SLCO1C1: variants seen among roughly 807,000 people sequenced by gnomAD.
SLCO1C1 encodes OAT-RP-5.
In SLCO1C1, 70 loss-of-function variants were observed where a neutral mutation model predicts 76.4. The observed-to-expected ratio is 0.92, with a 90% CI of 0.76 to 1.12. SLCO1C1 has a LOEUF of 1.12. Ranked by LOEUF, SLCO1C1 falls within the 50% of genes most tolerant of loss-of-function variation. The probability of loss-of-function intolerance (pLI) is 0.00; values close to 1 mark genes in which losing one functional copy is unlikely to be tolerated. For synonymous variants in SLCO1C1, 306 were observed against 286.1 expected (o/e 1.07, Z -0.70); for missense variants, 912 against 823.8 (o/e 1.11, Z -1.31).
rs1047585336 is a variant in SLCO1C1, at chr12:20,713,236, C to T, written c.529+1726C>T. 5.9e-5 allele frequency among the ~76,000 whole-genome samples: 9 copies of T among 151,772 alleles called. No homozygotes were observed. The East Asian group carries it at 1.2e-3, about 20-fold the overall frequency. ...CTGGGACTACAGGCGCCCGCTACCA[C>T]GCCCGGCTAATTTTTTGTATTTTTA... On this transcript the variant is annotated intron_variant, in intron 5 of 14. Coordinates refer to ENST00000266509, the MANE Select transcript of SLCO1C1 (RefSeq NM_017435.5).
At chr12:20,736,453 G>T (rs183276217) in intron 10 of SLCO1C1, among the ~76,000 whole-genome samples, 1 of 152,124 alleles carries the variant, frequency 6.6e-6, no homozygotes, top group African/African-American at 2.4e-5. Context: ...GTAAGTCATT[G>T]AACTTACTTG....
intron 10 of SLCO1C1, 55 bp from the exon 11 acceptor site, chr12:20,737,052 A>T: frequency 8.0e-6 from 11 of 1,375,986 alleles, no homozygotes; most frequent in Non-Finnish European, 2.8e-6. Flanking sequence ...TTTTGAAAAT[A>T]TTCGGGTGCT....
intron 1 of SLCO1C1, among the ~76,000 whole-genome samples, chr12:20,697,992 T>C (rs1035642175): frequency 7.0e-4 from 107 of 152,220 alleles, no homozygotes; most frequent in Non-Finnish European, 6.5e-4. Flanking sequence ...TATCTTTGTT[T>C]AGGGAATAGT....
chr12:20,734,481 G>C (rs988333029), intron 10 of SLCO1C1, among the ~76,000 whole-genome samples: 1 of 152,194 alleles, frequency 6.6e-6, no homozygotes, highest in Non-Finnish European at 1.5e-5. Context: ...GACAGTTGTA[G>C]AGGACTTTAT....
intron 9 of SLCO1C1, among the ~76,000 whole-genome samples, chr12:20,725,282 ATT>A (rs1947919768): frequency 7.1e-6 from 1 of 141,102 alleles, no homozygotes; most frequent in Non-Finnish European, 1.5e-5. Context: ...TATAATATAT[ATT>A]ATATTATTTA....
rs767446515 is a variant in SLCO1C1 at position 20,733,102 on chromosome 12, A to C, written c.1380A>C (p.Gln460His). 2.5e-6 allele frequency: 4 copies of C among 1,569,772 alleles called. No homozygotes were observed. In the African/African-American group the frequency reaches 4.1e-5, roughly 16 times the overall value. The change falls in exon 10 of 15, where the codon CAA (glutamine) becomes CAC (histidine). Residue 460 changes from glutamine (Q) to histidine (H), a missense_variant and splice_region_variant. By Grantham distance (24) the Gln-to-His change is conservative (BLOSUM62 0). Coordinates refer to ENST00000266509, the MANE Select transcript of SLCO1C1 (RefSeq NM_017435.5). ...SDVAGLTVSY[Q>H]GTKPVSYHER... ...TGGCAGGACTAACTGTCTCCTACCA[A>C]GGGTATGTTCCCTCATTAAATAGTT...
At chr12:20,719,134 C>T (rs1947528421) in intron 7 of SLCO1C1, among the ~76,000 whole-genome samples, 1 of 113,520 alleles carries the variant, frequency 8.8e-6, no homozygotes, top group African/African-American at 4.0e-5. Context: ...TTATTATTAG[C>T]TTACCCATTA....
At chr12:20,710,244 G>C (rs750643820) in intron 4 of SLCO1C1, among the ~76,000 whole-genome samples, 1 of 112,124 alleles carries the variant, frequency 8.9e-6, no homozygotes, top group Non-Finnish European at 1.6e-5. Flanking sequence ...GTCTCGCTCT[G>C]TCGCCCAGGC....
intron 5 of SLCO1C1, 33 bp downstream of exon 5, chr12:20,711,543 C>T (rs1272724762): frequency 1.3e-6 from 2 of 1,599,410 alleles, no homozygotes; most frequent in African/African-American, 2.7e-5. Context: ...ACTAAACAAG[C>T]TTTTAAAAAA....
At chr12:20,731,370 C>T (rs143519363) in intron 9 of SLCO1C1, among the ~76,000 whole-genome samples, 1 of 148,344 alleles carries the variant, frequency 6.7e-6, no homozygotes, top group Admixed American at 6.7e-5. Context: ...TGTTAAGAAA[C>T]TAAATATATA....
chr12:20,721,267 GAAGGA>G (rs1045903101), intron 7 of SLCO1C1, among the ~76,000 whole-genome samples: 6 of 152,154 alleles, frequency 3.9e-5, no homozygotes, highest in African/African-American at 1.4e-4. Flanking sequence ...AAACTTTCAT[GAAGGA>G]AAGAGCTGAT....
chr12:20,721,184 G>C (rs948797161), intron 7 of SLCO1C1, among the ~76,000 whole-genome samples: 1 of 152,136 alleles, frequency 6.6e-6, no homozygotes, highest in South Asian at 2.1e-4. Context: ...GGCTTGAGAA[G>C]ATTGACTCCA....
intron 9 of SLCO1C1, among the ~76,000 whole-genome samples, chr12:20,724,959 GTAA>G (rs1947891922): frequency 7.2e-6 from 1 of 139,250 alleles, no homozygotes; most frequent in Non-Finnish European, 1.5e-5. Context: ...ATATTTATAG[GTAA>G]TATTATAAAT....
Position 20,723,230 on chromosome 12 carries a change from T to C in SLCO1C1, c.1162T>C (p.Ser388Pro). 1 of 1,613,948 alleles carries C rather than the reference T, an allele frequency of 6.2e-7. No homozygotes were observed. Among genetic ancestry groups the C allele is most frequent in the South Asian group, 1.1e-5 (1 of 91,000 alleles). Residue 388 changes from serine to proline, a missense_variant, in exon 9 of 15, where the codon TCC (serine) becomes CCC (proline). Coordinates refer to ENST00000266509, the MANE Select transcript of SLCO1C1 (RefSeq NM_017435.5). ...KYIEQQYGQS[S>P]SRANFVIGLI... ...CATTGAGCAGCAGTATGGACAGTCA[T>C]CCTCCAGGGCCAACTTTGTGATCGG...
intron 3 of SLCO1C1, 68 bp from the exon 4 acceptor site, chr12:20,705,881 C>A: frequency 1.3e-6 from 2 of 1,489,914 alleles, no homozygotes; most frequent in South Asian, 1.2e-5. Flanking sequence ...TGTATACATT[C>A]ATTCAGTTAT....
At chr12:20,738,677 C>A (rs911832150) in intron 11 of SLCO1C1, among the ~76,000 whole-genome samples, 1 of 152,048 alleles carries the variant, frequency 6.6e-6, no homozygotes, top group Non-Finnish European at 1.5e-5. Flanking sequence ...CTCACAGCTG[C>A]ATGAAGGTTT....
At chr12:20,726,394 G>A (rs906867525) in intron 9 of SLCO1C1, among the ~76,000 whole-genome samples, 4 of 151,878 alleles carry the variant, frequency 2.6e-5, no homozygotes, top group Admixed American at 6.6e-5. Context: ...GAAATTTCCC[G>A]ACATGTTCAA....
At position 20,696,404 on chromosome 12, in the gene SLCO1C1, T is replaced by C. The variant is rs549799972; in HGVS notation, c.-26+597T>C. 2.6e-5 allele frequency among the ~76,000 whole-genome samples: 4 copies of C among 152,208 alleles called. No individual in the cohort carries two copies. The East Asian group carries it at 7.8e-4, about 30-fold the overall frequency. ...GTGGCAGTCCTTGGGGACTGATTGC[T>C]GGACAGAGTCCGAGTCAGTTGCAGA... On this transcript the variant is annotated intron_variant, in intron 1 of 14. Transcript: ENST00000266509.
chr12:20,711,061 A>G (rs1947071936), intron 4 of SLCO1C1, among the ~76,000 whole-genome samples: 1 of 152,096 alleles, frequency 6.6e-6, no homozygotes, highest in Non-Finnish European at 1.5e-5. Flanking sequence ...ACAACAGTTG[A>G]TGAGCTAAAA....
Sources: allele counts gnomAD v4.1 joint callset (sites outside exome capture counted in the v4.1 genomes callset), GRCh38; gene constraint gnomAD v4.1.1; transcripts MANE v1.5; gene names NCBI Gene and HGNC (gene_info 2026-07-23, HGNC 2026-07-21).